The following GPC5 variants were observed in gnomAD, a reference collection of about 807,000 sequenced individuals.
GPC5 encodes the protein glypican 5, also known as glypican-5.
Under a neutral mutation model 53.9 loss-of-function variants are expected in GPC5, and 47 were observed. That is an observed-to-expected ratio of 0.87 (90% confidence interval 0.69 to 1.11). The LOEUF is 1.11. GPC5 is among the 50% of genes most tolerant of loss of function. The probability of loss-of-function intolerance (pLI) is 0.00; values close to 1 mark genes in which losing one functional copy is unlikely to be tolerated. For missense variants in GPC5, 748 were observed against 713.1 expected, an observed-to-expected ratio of 1.05 and a Z score of -0.56; for synonymous variants, 286 against 263.3, an observed-to-expected ratio of 1.09 and a Z score of -0.84.
chr13:92,431,345 A>G (rs1566587541), intron 7 of GPC5, among the ~76,000 whole-genome samples: 1 of 152,030 alleles, frequency 6.6e-6, no homozygotes. Context: ...TAACACCTAA[A>G]TAACACAGGA....
At chr13:91,915,462 T>C (rs1470070573) in intron 6 of GPC5, among the ~76,000 whole-genome samples, 1 of 152,162 alleles carries the variant, frequency 6.6e-6, no homozygotes, top group Admixed American at 6.5e-5. Context: ...TGGCCATTGG[T>C]AATTTCTGTT....
intron 7 of GPC5, among the ~76,000 whole-genome samples, chr13:92,216,819 A>G (rs1267074454): frequency 1.3e-5 from 2 of 151,902 alleles, no homozygotes; most frequent in Non-Finnish European, 2.9e-5. Context: ...ATCTCTACCA[A>G]AATACAAAGA....
At chr13:92,547,117 T>G (rs930468699) in intron 7 of GPC5, among the ~76,000 whole-genome samples, 1 of 152,290 alleles carries the variant, frequency 6.6e-6, no homozygotes, top group Admixed American at 6.5e-5. Context: ...TCTAGGTGCA[T>G]TCACATTTGG....
chr13:92,684,825 C>A (rs1235369579), intron 7 of GPC5, among the ~76,000 whole-genome samples: 2 of 152,046 alleles, frequency 1.3e-5, no homozygotes, highest in Non-Finnish European at 2.9e-5. Context: ...AACTGTCTTC[C>A]AAAGTGGATA....
chr13:91,794,108 C>T (rs1180012051), intron 5 of GPC5, among the ~76,000 whole-genome samples: 15 of 152,114 alleles, frequency 9.9e-5, no homozygotes, highest in African/African-American at 2.4e-4. Flanking sequence ...GTAATAATGC[C>T]TCAGCATTAT....
rs201500609 is a variant in GPC5 at position 92,190,197 on chromosome 13, G to GA, written c.1561+45216dup. Among the ~76,000 whole-genome samples, 4 of 151,712 alleles carry GA rather than the reference G, an allele frequency of 2.6e-5. No homozygotes were observed. The South Asian group carries it at 6.2e-4, about 24-fold the overall frequency. On this transcript the variant is annotated intron_variant, in intron 7 of 7. Coordinates refer to ENST00000377067, the MANE Select transcript of GPC5 (RefSeq NM_004466.6). ...ATAAAATATTCAAAGTGTTGAGAGAGAAAAAAAACCACCAATGGAGAATTC... is the reference window on the plus strand; with the variant it reads ...ATAAAATATTCAAAGTGTTGAGAGAGAAAAAAAAACCACCAATGGAGAATTC...
intron 2 of GPC5, among the ~76,000 whole-genome samples, chr13:91,555,615 A>C (rs2030900800): frequency 6.6e-6 from 1 of 152,040 alleles, no homozygotes. Context: ...AGGTTTGCAT[A>C]GACCAGCTGT....
At chr13:91,985,760 A>G (rs1278175088) in intron 6 of GPC5, among the ~76,000 whole-genome samples, 1 of 152,104 alleles carries the variant, frequency 6.6e-6, no homozygotes, top group African/African-American at 2.4e-5. Context: ...ATTTTGTCAT[A>G]TATTTTATTT....
intron 7 of GPC5, among the ~76,000 whole-genome samples, chr13:92,585,139 C>T (rs1386421833): frequency 1.3e-5 from 2 of 152,118 alleles, no homozygotes; most frequent in African/African-American, 4.8e-5. Context: ...AAGAGGGCCA[C>T]TATCCTTCAG....
chr13:92,059,217 AGACC>A (rs1327424828), intron 6 of GPC5, among the ~76,000 whole-genome samples: 21 of 151,526 alleles, frequency 1.4e-4, no homozygotes, highest in African/African-American at 4.4e-4. Flanking sequence ...TTAGATGAGA[AGACC>A]ACAAATAGTC....
intron 2 of GPC5, among the ~76,000 whole-genome samples, chr13:91,512,430 C>T (rs1425225105): frequency 6.6e-6 from 1 of 152,192 alleles, no homozygotes; most frequent in African/African-American, 2.4e-5. Context: ...CTCTCATGCT[C>T]AGCATTTGTA....
chr13:92,761,778 G>A (rs561035549), intron 7 of GPC5, among the ~76,000 whole-genome samples: 52 of 152,198 alleles, frequency 3.4e-4, no homozygotes, highest in African/African-American at 1.2e-3. Context: ...TGGTCATTTT[G>A]TAGATCTTTT....
Position 91,599,505 on chromosome 13 carries a change from A to G in GPC5, c.326-93682A>G, listed in dbSNP as rs1594312172. ...TCTGTTTATATAATTCATTCACATAAGAGTCCAGTCCATAGAAACTATCTA... is the reference window on the plus strand; with the variant it reads ...TCTGTTTATATAATTCATTCACATAGGAGTCCAGTCCATAGAAACTATCTA... On this transcript the variant is annotated intron_variant, in intron 2 of 7. Transcript: ENST00000377067. 2.6e-5 allele frequency among the ~76,000 whole-genome samples: 4 copies of G among 152,314 alleles called. No homozygotes were observed. The South Asian group carries it at 6.2e-4, about 24-fold the overall frequency.
chr13:91,770,704 T>TTGTGTGTGTGTGTGTGTGTGTGTGTGTG (rs71113759), intron 5 of GPC5, among the ~76,000 whole-genome samples: 1 of 145,554 alleles, frequency 6.9e-6, no homozygotes, highest in Non-Finnish European at 1.5e-5. Context: ...GACTGTGTGT[T>TTGTGTGTGTGTGTGTGTGTGTGTGTGTG]TGTGTGTGTG....
intron 3 of GPC5, among the ~76,000 whole-genome samples, chr13:91,699,777 T>A (rs973344330): frequency 6.6e-6 from 1 of 152,216 alleles, no homozygotes; most frequent in African/African-American, 2.4e-5. Context: ...GGTTATCTAT[T>A]CTAACTCACA....
chr13:91,403,948 C>T (rs1295268309), intron 1 of GPC5, among the ~76,000 whole-genome samples: 4 of 152,160 alleles, frequency 2.6e-5, no homozygotes. Flanking sequence ...CCCATTCTCT[C>T]TCCATCCCAT....
chr13:91,415,597 C>T (rs1354247761), intron 1 of GPC5, among the ~76,000 whole-genome samples: 1 of 152,124 alleles, frequency 6.6e-6, no homozygotes, highest in East Asian at 1.9e-4. Flanking sequence ...TCCTTCTCTT[C>T]CCCCATTCTT....
intron 7 of GPC5, among the ~76,000 whole-genome samples, chr13:92,431,731 C>G (rs1400999617): frequency 2.0e-5 from 3 of 152,018 alleles, no homozygotes; most frequent in African/African-American, 7.2e-5. Flanking sequence ...AGTAATCAAA[C>G]AGATCACTCT....
chr13:92,561,702 G>C (rs1417949909), intron 7 of GPC5, among the ~76,000 whole-genome samples: 1 of 152,020 alleles, frequency 6.6e-6, no homozygotes, highest in Non-Finnish European at 1.5e-5. Context: ...TAGTAAAGTT[G>C]TCTTCATATT....
Sources: gnomAD v4.1 joint callset for allele counts (sites outside exome capture counted in the v4.1 genomes callset) on GRCh38, gnomAD v4.1.1 for gene constraint, MANE v1.5 for transcripts, NCBI Gene and HGNC (gene_info 2026-07-23, HGNC 2026-07-21) for gene names.